RHCE: variants seen among roughly 807,000 people sequenced by gnomAD.
RHCE encodes the protein blood group Rh(CE) polypeptide.
In RHCE, 22 loss-of-function variants were observed where a neutral mutation model predicts 43.8. The ratio of observed to expected loss-of-function variants is 0.50; its 90% CI spans 0.36 to 0.72. The LOEUF is 0.72. Ranked by LOEUF, RHCE falls within the 30% of genes least tolerant of loss-of-function variation. The pLI is 0.00. For synonymous variants in RHCE, 156 were observed against 210.7 expected (o/e 0.74, Z 2.25); for missense variants, 385 against 525.4 (o/e 0.73, Z 2.61).
intron 3 of RHCE, among the ~76,000 whole-genome samples, chr1:25,393,781 C>G (rs2124439210): frequency 6.6e-6 from 1 of 151,996 alleles, no homozygotes; most frequent in South Asian, 2.1e-4. Context: ...TATTGCACTC[C>G]TCCACTTGCT....
In RHCE at chr1:25,370,556, A is replaced by G. The variant is rs542049214; in HGVS notation, c.1154-16T>C. The G allele has an allele frequency of 5.2e-5, 83 of 1,592,670 alleles. No individual in the cohort carries two copies. The highest frequency in any genetic ancestry group is 7.0e-5 in the Non-Finnish European group (81 of 1,162,240). On this transcript the variant is annotated splice_polypyrimidine_tract_variant and intron_variant, in intron 8 of 9. Transcript: ENST00000294413. Reference sequence around the variant, plus strand: ...AGGAGCAAACCTGTTTAAATGCATAATTTAATGTTAAAAGATTTGGAGCAC... The same window carrying G: ...AGGAGCAAACCTGTTTAAATGCATAGTTTAATGTTAAAAGATTTGGAGCAC...
intron 4 of RHCE, 61 bp downstream of exon 4, chr1:25,391,933 C>A: frequency 6.2e-7 from 1 of 1,610,988 alleles, no homozygotes; most frequent in Non-Finnish European, 8.5e-7. Context: ...TCAGCCAGAG[C>A]CTTTTCTGAG....
rs1201743248 is a variant in RHCE at position 25,385,733 on chromosome 1, T to C, written c.1051A>G (p.Thr351Ala). 6.2e-7 allele frequency: 1 copy of C among 1,613,814 alleles called. No homozygotes were observed. Among genetic ancestry groups the C allele is most frequent in the East Asian group, 2.2e-5 (1 of 44,826 alleles). ...CACATGCCATTGCCGTTCCAGACAG[T>C]ATGAAGCACCAGCAGCACAATGTAG... ...ITYIVLLVLH[T>A]VWNGNGMIGF... Residue 351 changes from threonine (T) to alanine (A), a missense_variant, in exon 7 of 10, where the codon ACT (threonine) becomes GCT (alanine). Physicochemically the swap from Thr to Ala is moderately conservative, Grantham distance 58 (BLOSUM62 0). Around this residue, in one of 6 missense-constraint regions of RHCE, gnomAD observed 82 missense variants for 69.2 expected, o/e 1.18. Transcript: ENST00000294413.
chr1:25,399,398 G>C (rs911648467), intron 3 of RHCE, among the ~76,000 whole-genome samples: 2 of 152,104 alleles, frequency 1.3e-5, no homozygotes, highest in African/African-American at 4.8e-5. Flanking sequence ...TTGTGAGACT[G>C]AGTTCTGTAT....
chr1:25,414,634 A>G (rs986562162), intron 1 of RHCE, among the ~76,000 whole-genome samples: 2 of 152,146 alleles, frequency 1.3e-5, no homozygotes, highest in African/African-American at 4.8e-5. Context: ...GCCTTTGAGG[A>G]GTATGGGGTG....
intron 2 of RHCE, 92 bp from the exon 3 acceptor site, chr1:25,402,838 G>T: frequency 6.4e-7 from 1 of 1,557,242 alleles, no homozygotes; most frequent in Non-Finnish European, 8.8e-7. Flanking sequence ...AAACACTGTT[G>T]GGCACCTTAC....
chr1:25,386,107 G>A (rs555477058), intron 6 of RHCE, among the ~76,000 whole-genome samples: 30 of 152,252 alleles, frequency 2.0e-4, no homozygotes, highest in Admixed American at 3.9e-4. Context: ...GCTCATCTAC[G>A]GACCACACTA....
intron 3 of RHCE, among the ~76,000 whole-genome samples, chr1:25,392,739 T>G (rs558509657): frequency 1.3e-5 from 2 of 151,920 alleles, no homozygotes; most frequent in East Asian, 1.9e-4. Context: ...CCTGGCCAAT[T>G]TTTAAATTTT....
intron 2 of RHCE, among the ~76,000 whole-genome samples, chr1:25,426,087 T>C (rs1471364118): frequency 2.0e-5 from 3 of 152,232 alleles, no homozygotes; most frequent in Non-Finnish European, 4.4e-5. Flanking sequence ...GTTGTGAAGA[T>C]TCAACGAGGC....
rs372119551 is a variant in RHCE, at chr1:25,392,083, G to C, written c.545C>G (p.Thr182Ser). 2.1e-5 allele frequency: 34 copies of C among 1,614,056 alleles called. No homozygotes were observed. The African/African-American group carries it at 4.0e-4, about 19-fold the overall frequency. The change falls in exon 4 of 10, where the codon ACT (threonine) becomes AGT (serine). Residue 182 changes from threonine (T) to serine (S), a missense_variant. This residue lies in a region of RHCE where 110 missense variants were observed against 103.4 expected (regional missense o/e 1.06). Coordinates refer to ENST00000294413, the MANE Select transcript of RHCE (RefSeq NM_020485.8). ...FYVFAAYFGL[T>S]VAWCLPKPLP... ...AGGCTTTGGCAGGCACCAGGCCACA[G>C]TCAGCCCAAAATAGGCTGCGAACAC...
intron 1 of RHCE, among the ~76,000 whole-genome samples, 176 bp downstream of exon 1, chr1:25,420,463 T>C (rs2042735873): frequency 6.6e-6 from 1 of 152,158 alleles, no homozygotes; most frequent in Non-Finnish European, 1.5e-5. Flanking sequence ...AGGCTGCTTC[T>C]AAAGGAAAGC....
At position 25,390,862 on chromosome 1, in the gene RHCE, T is replaced by C; in HGVS notation, c.688A>G (p.Ser230Gly). 4 of 1,614,216 alleles carry C rather than the reference T, an allele frequency of 2.5e-6. No homozygotes were observed. The highest frequency in any genetic ancestry group is 3.4e-6 in the Non-Finnish European group (4 of 1,180,034). Residue 230 changes from serine (S) to glycine (G), a missense_variant, in exon 5 of 10, where the codon AGT becomes GGT. By Grantham distance (56) the Ser-to-Gly change is moderately conservative. Transcript: ENST00000294413. ...WPSVNSALLR[S>G]PIQRKNAMFN... is the part of the protein sequence containing the mutation. Reference sequence around the variant, plus strand: ...ATGGCATTCTTCCTTTGGATTGGACTTCTCAGCAGAGCAGAGTTGACACTT... The same window carrying C: ...ATGGCATTCTTCCTTTGGATTGGACCTCTCAGCAGAGCAGAGTTGACACTT...
chr1:25,373,853 G>C (rs1444436687), intron 8 of RHCE, among the ~76,000 whole-genome samples: 1 of 145,336 alleles, frequency 6.9e-6, no homozygotes, highest in Non-Finnish European at 1.5e-5. Flanking sequence ...TTTTTTTTGA[G>C]ACAGTCTCAC....
At chr1:25,387,395 C>G (rs1288008127) in intron 6 of RHCE, among the ~76,000 whole-genome samples, 1 of 152,196 alleles carries the variant, frequency 6.6e-6, no homozygotes, top group Non-Finnish European at 1.5e-5. Context: ...ATTTCGCTCA[C>G]TAAACTATAG....
chr1:25,372,295 G>A (rs1402976444), intron 8 of RHCE, among the ~76,000 whole-genome samples: 2 of 151,406 alleles, frequency 1.3e-5, no homozygotes, highest in African/African-American at 2.4e-5. Context: ...CAAGGTGGGC[G>A]GATCACCTGA....
intron 1 of RHCE, among the ~76,000 whole-genome samples, chr1:25,419,457 A>T (rs1258859958): frequency 6.6e-6 from 1 of 152,116 alleles, no homozygotes; most frequent in African/African-American, 2.4e-5. Flanking sequence ...CATGGCCCCC[A>T]GGATGACTTC....
rs1049236848 is a variant in RHCE, at chr1:25,371,174, G to A, written c.1154-634C>T. Among the ~76,000 whole-genome samples, 17 of 150,954 alleles carry A rather than the reference G, an allele frequency of 1.1e-4. No homozygotes were observed. In the East Asian group the frequency reaches 2.9e-3, roughly 26 times the overall value. Reference sequence around the variant, plus strand: ...CCCAGACGGAGTAGAAGGGCCCCACGAAAGCTGATCCATGTAAGACATATG... The same window carrying A: ...CCCAGACGGAGTAGAAGGGCCCCACAAAAGCTGATCCATGTAAGACATATG... On this transcript the variant is annotated intron_variant, in intron 8 of 9. Transcript: ENST00000294413.
chr1:25,408,944 T>C (rs1404970066), intron 1 of RHCE, 75 bp from the exon 2 acceptor site: 2 of 1,032,786 alleles, frequency 1.9e-6, no homozygotes, highest in Non-Finnish European at 2.7e-6. Flanking sequence ...ATTAGAGTCT[T>C]ACTAAATGGC....
In RHCE at chr1:25,370,685, C is replaced by A. The variant is rs112439588; in HGVS notation, c.1154-145G>T. 33 of 676,916 alleles carry A rather than the reference C, an allele frequency of 4.9e-5. 1 individual carries two copies. Among genetic ancestry groups the A allele is most frequent in the South Asian group, 3.1e-4 (19 of 60,906 alleles). The allele number at this position is 676,916 out of a possible 1,614,324, so 41.9% of individuals were successfully genotyped here. ...CACAATTGAAAGACAAATAAATGGACGCCCTGTCATTCCTGGACCAGCTTA... is the reference window on the plus strand; with the variant it reads ...CACAATTGAAAGACAAATAAATGGAAGCCCTGTCATTCCTGGACCAGCTTA... On this transcript the variant is annotated intron_variant, in intron 8 of 9. Coordinates refer to ENST00000294413, the MANE Select transcript of RHCE (RefSeq NM_020485.8).
Sources: allele counts gnomAD v4.1 joint callset (sites outside exome capture counted in the v4.1 genomes callset), GRCh38; gene constraint gnomAD v4.1.1; regional missense constraint gnomAD v4.1.1; transcripts MANE v1.5; gene names NCBI Gene and HGNC (gene_info 2026-07-23, HGNC 2026-07-21).